DEPDC5: variants seen among roughly 807,000 people sequenced by gnomAD.
DEPDC5 encodes DEP domain containing 5, GATOR1 subcomplex subunit, also known as GATOR1 complex protein DEPDC5.
In DEPDC5, 73 loss-of-function variants were observed where a neutral mutation model predicts 217.3. That is an observed-to-expected ratio of 0.34 (90% CI 0.28 to 0.41). The LOEUF (loss-of-function observed/expected upper bound fraction) is 0.41, where lower values mean the gene tolerates loss of function less well. DEPDC5 is among the 10% of genes least tolerant of loss of function. DEPDC5 has a pLI of 1.00. For synonymous variants in DEPDC5, 733 were observed against 756.7 expected, an observed-to-expected ratio of 0.97 and a Z score of 0.51; for missense variants, 1,675 against 2,070.1, an observed-to-expected ratio of 0.81 and a Z score of 3.70.
intron 32 of DEPDC5, chr22:31,858,655 CCCT>C (rs1050921734): frequency 1.7e-4 from 25 of 151,230 alleles, no homozygotes; most frequent in Middle Eastern, 3.4e-3. Context: ...GTTTTTTTTC[CCCT>C]AAGCAACCCC....
intron 2 of DEPDC5, 105 bp from the exon 3 acceptor site, chr22:31,758,441 T>C (rs1601580221): frequency 1.1e-6 from 1 of 942,170 alleles, no homozygotes; most frequent in East Asian, 2.4e-5. Context: ...CATCTGTCAA[T>C]GGGGTGGCAA....
In DEPDC5 at chr22:31,834,435, A is replaced by G. The variant is rs536232113; in HGVS notation, c.2170+455A>G. ...AATGTCTAAATATCTGTAATAATAA[A>G]ATAGCAGAGAAAATCCTACCATTTG... On this transcript the variant is annotated intron_variant, in intron 25 of 42. Transcript: ENST00000651528. Among the ~76,000 whole-genome samples, 9 of 152,234 alleles carry G rather than the reference A, an allele frequency of 5.9e-5. No individual in the cohort carries two copies. In the South Asian group the frequency reaches 1.9e-3, roughly 32 times the overall value.
intron 24 of DEPDC5, among the ~76,000 whole-genome samples, chr22:31,830,630 C>CGTGTGTGTGT (rs34078350): frequency 0.01 from 1,493 of 142,520 alleles, 21 homozygotes; most frequent in African/African-American, 0.026. Context: ...TATGCGTGTA[C>CGTGTGTGTGT]GTGTGTGTGT....
chr22:31,842,022 G>A (rs987192565), intron 27 of DEPDC5, among the ~76,000 whole-genome samples: 3 of 152,066 alleles, frequency 2.0e-5, no homozygotes, highest in Admixed American at 6.6e-5. Flanking sequence ...TCTTTCCTGC[G>A]TTCAGTTCAG....
chr22:31,840,468 T>C (rs1258920847), intron 27 of DEPDC5, among the ~76,000 whole-genome samples: 1 of 152,224 alleles, frequency 6.6e-6, no homozygotes, highest in African/African-American at 2.4e-5. Context: ...GATTTTGTCC[T>C]TTATCCCAAG....
At chr22:31,779,345 A>G (rs990893279) in intron 8 of DEPDC5, among the ~76,000 whole-genome samples, 39 of 152,220 alleles carry the variant, frequency 2.6e-4, no homozygotes, top group African/African-American at 9.4e-4. Flanking sequence ...AGTGCTCACC[A>G]TAATCGTGCC....
In DEPDC5 at chr22:31,877,436, C is replaced by CAAAAAAAAA. The variant is rs71184527; in HGVS notation, c.3805+1194_3805+1202dup. Among the ~76,000 whole-genome samples the CAAAAAAAAA allele has an allele frequency of 2.4e-4, 5 of 21,018 alleles. 1 individual carries two copies. Among genetic ancestry groups the CAAAAAAAAA allele is most frequent in the Non-Finnish European group, 2.7e-4 (3 of 11,094 alleles). The allele number at this position is 21,018 out of a possible 152,430, so 13.8% of individuals were successfully genotyped here. A position where few individuals can be genotyped will look rare whatever the true frequency, so the allele number is the denominator to read the frequency against. On this transcript the variant is annotated intron_variant, in intron 37 of 42. Coordinates refer to ENST00000651528, the MANE Select transcript of DEPDC5 (RefSeq NM_001242896.3). ...TGGGCTACAGAGTGAGACTCCATCTCAAAAAAAAAAAAAAAAAAAAAAAAA... is the reference window on the plus strand; with the variant it reads ...TGGGCTACAGAGTGAGACTCCATCTCAAAAAAAAAAAAAAAAAAAAAAAAAAAAAAAAAA...
intron 12 of DEPDC5, among the ~76,000 whole-genome samples, chr22:31,796,430 A>G (rs2086254610): frequency 6.6e-6 from 1 of 152,124 alleles, no homozygotes; most frequent in Non-Finnish European, 1.5e-5. Context: ...TCTACATAGA[A>G]ATTACATTGG....
chr22:31,811,863 T>A (rs2088387919), intron 20 of DEPDC5, among the ~76,000 whole-genome samples: 5 of 152,312 alleles, frequency 3.3e-5, no homozygotes, highest in Non-Finnish European at 7.4e-5. Flanking sequence ...AGTTTTTAAT[T>A]GTGATGTAGT....
chr22:31,903,110 G>A (rs894700356), intron 41 of DEPDC5, among the ~76,000 whole-genome samples: 6 of 150,772 alleles, frequency 4.0e-5, no homozygotes, highest in East Asian at 2.0e-4. Context: ...TTGTACCAGT[G>A]TGCTGCAGTG....
intron 36 of DEPDC5, chr22:31,875,692 G>A (rs2092972884): frequency 7.3e-6 from 1 of 137,930 alleles, no homozygotes; most frequent in African/African-American, 2.8e-5. Flanking sequence ...GAGTGCAGTA[G>A]TGCTAATCTC....
At chr22:31,773,870 A>T (rs1473315139) in intron 7 of DEPDC5, among the ~76,000 whole-genome samples, 2 of 152,168 alleles carry the variant, frequency 1.3e-5, no homozygotes, top group Admixed American at 1.3e-4. Context: ...TCAGGGGTTC[A>T]TGACCAGCCT....
chr22:31,763,522 C>G (rs1270286013), intron 4 of DEPDC5, among the ~76,000 whole-genome samples: 1 of 151,796 alleles, frequency 6.6e-6, no homozygotes, highest in African/African-American at 2.4e-5. Flanking sequence ...ACTGCAGCCT[C>G]AACCTCCCTG....
Position 31,906,622 on chromosome 22 carries a change from T to C in DEPDC5, c.*125T>C, listed in dbSNP as rs1199097344. 1 of 1,239,540 alleles carries C rather than the reference T, an allele frequency of 8.1e-7. No homozygotes were observed. The highest frequency in any genetic ancestry group is 1.1e-6 in the Non-Finnish European group (1 of 893,304). 76.8% of individuals were successfully genotyped at this position (1,239,540 alleles called of 1,614,324 possible). A position where few individuals can be genotyped will look rare whatever the true frequency, so the allele number is the denominator to read the frequency against. On this transcript the variant is annotated 3_prime_UTR_variant, in exon 43 of 43. Transcript: ENST00000651528. This position sits in a 1 kb window ranked among gnomAD's most constrained non-coding sequence, Gnocchi z 5.1. ...GCTGCTATCAGTGAGTGGGGGCCAT[T>C]GTTTTTTGTTTGTTTGTTTGTTTGT...
chr22:31,810,660 T>C lies in DEPDC5; in HGVS notation c.1445+19T>C. The C allele has an allele frequency of 3.1e-6, 5 of 1,613,790 alleles. No individual in the cohort carries two copies. The highest frequency in any genetic ancestry group is 3.3e-5 in the Admixed American group (2 of 59,910). ...CCTGCAGGTTTTCTGCCAGATTCAC[T>C]TGGGGGTGCATATAAAAATTGTGTA... On this transcript the variant is annotated intron_variant, in intron 20 of 42. Transcript: ENST00000651528.
chr22:31,900,858 T>C (rs1050926843), intron 40 of DEPDC5, among the ~76,000 whole-genome samples: 7 of 152,168 alleles, frequency 4.6e-5, no homozygotes, highest in Non-Finnish European at 8.8e-5. Flanking sequence ...GGAGGATCAC[T>C]TGAGGCCAGG....
At chr22:31,779,442 A>C (rs1274865566) in intron 8 of DEPDC5, among the ~76,000 whole-genome samples, 1 of 152,160 alleles carries the variant, frequency 6.6e-6, no homozygotes, top group Non-Finnish European at 1.5e-5. Context: ...AAAGGAAACA[A>C]TTTTCAGAAG....
chr22:31,808,327 C>A (rs1272817052), intron 18 of DEPDC5, among the ~76,000 whole-genome samples: 1 of 150,332 alleles, frequency 6.7e-6, no homozygotes, highest in South Asian at 2.1e-4. Flanking sequence ...GTGGTGCGAT[C>A]TTGGCTCACT....
chr22:31,876,325 T>C (rs2092991906), intron 37 of DEPDC5, 60 bp downstream of exon 37: 2 of 1,324,218 alleles, frequency 1.5e-6, no homozygotes, highest in Non-Finnish European at 2.2e-6. Context: ...GGTGACTTGC[T>C]CTTTCACATG....
Sources: gnomAD v4.1 joint callset for allele counts (sites outside exome capture counted in the v4.1 genomes callset) on GRCh38, gnomAD v4.1.1 for gene constraint, Gnocchi (gnomAD v3.1) non-coding constraint, MANE v1.5 for transcripts, NCBI Gene and HGNC (gene_info 2026-07-23, HGNC 2026-07-21) for gene names.